ERC1: variants seen among roughly 807,000 people sequenced by gnomAD.
ERC1 encodes ELKS/RAB6-interacting/CAST family member 1, also known as RAB6 interacting protein 2.
ERC1 carries 56 observed loss-of-function variants against 132.0 expected under a neutral mutation model. The observed-to-expected ratio is 0.42, with a 90% CI of 0.34 to 0.53. The LOEUF (loss-of-function observed/expected upper bound fraction) is 0.53. Ranked by LOEUF, ERC1 falls within the 20% of genes least tolerant of loss-of-function variation. The probability of loss-of-function intolerance (pLI) is 0.03; values close to 1 mark genes in which losing one functional copy is unlikely to be tolerated. For synonymous variants in ERC1, 478 were observed against 476.1 expected (o/e 1.00, Z -0.05); for missense variants, 1,202 against 1,349.9 (o/e 0.89, Z 1.72).
At chr12:1,219,635 C>CTTTTTTTTTTTTTTT (rs775838825) in intron 12 of ERC1, among the ~76,000 whole-genome samples, 2 of 140,740 alleles carry the variant, frequency 1.4e-5, no homozygotes, top group African/African-American at 2.7e-5. Flanking sequence ...ACTGAACTCT[C>CTTTTTTTTTTTTTTT]TTTTTTTTTT....
chr12:1,161,467 A>G (rs1951881343), intron 8 of ERC1, among the ~76,000 whole-genome samples: 1 of 152,200 alleles, frequency 6.6e-6, no homozygotes, highest in South Asian at 2.1e-4. Context: ...CTGCATATGA[A>G]TGCCGTTTCT....
At chr12:1,039,615 C>CT (rs1267163485) in intron 2 of ERC1, among the ~76,000 whole-genome samples, 1 of 151,950 alleles carries the variant, frequency 6.6e-6, no homozygotes, top group East Asian at 1.9e-4. Context: ...TTGGGGAACT[C>CT]TTTTCCCTAC....
At chr12:1,416,351 G>A (rs2092117789) in intron 17 of ERC1, among the ~76,000 whole-genome samples, 2 of 152,190 alleles carry the variant, frequency 1.3e-5, no homozygotes, top group Admixed American at 1.3e-4. Flanking sequence ...AACAGGAAAA[G>A]AAAAGTTTTC....
chr12:1,115,267 CAT>C (rs1401727096), intron 6 of ERC1, among the ~76,000 whole-genome samples: 8 of 152,096 alleles, frequency 5.3e-5, no homozygotes, highest in Non-Finnish European at 1.0e-4. Context: ...AATCAATACA[CAT>C]AACATCAAAT....
chr12:1,094,066 T>G (rs1943685118), intron 3 of ERC1, among the ~76,000 whole-genome samples: 1 of 148,230 alleles, frequency 6.7e-6, no homozygotes, highest in Non-Finnish European at 1.5e-5. Context: ...TCGCCCAGGC[T>G]GGGGTGCAGT....
chr12:1,228,798 A>G lies in ERC1; in HGVS notation c.2352-7971A>G, dbSNP rs150384338. On this transcript the variant is annotated intron_variant, in intron 12 of 18. Coordinates refer to ENST00000360905, the MANE Select transcript of ERC1 (RefSeq NM_178040.4). ...GATGATTGTGTGATTTTTATCGTTC[A>G]TTCTGTTAGTGTGGTGTATGACGTT... 6.3e-3 allele frequency among the ~76,000 whole-genome samples: 963 copies of G among 152,190 alleles called. 16 individuals carry two copies. The highest frequency in any genetic ancestry group is 0.022 in the African/African-American group (906 of 41,512).
intron 11 of ERC1, among the ~76,000 whole-genome samples, chr12:1,183,690 A>G (rs1209031862): frequency 1.3e-5 from 2 of 152,138 alleles, no homozygotes; most frequent in Non-Finnish European, 2.9e-5. Context: ...GAGTGTAAAA[A>G]TCTCTGTTAC....
At position 1,069,564 on chromosome 12, in the gene ERC1, C is replaced by T. The variant is rs141507609; in HGVS notation, c.670-13600C>T. On this transcript the variant is annotated intron_variant, in intron 2 of 18. Transcript: ENST00000360905. ...CTGTTCCTCAGTAAGTGAATGGATA[C>T]ATTGATATTATTCGTATAGTGGAAT... is the stretch of plus-strand genomic sequence containing the variant. Among the ~76,000 whole-genome samples the T allele has an allele frequency of 4.6e-5, 7 of 152,206 alleles. No individual in the cohort carries two copies. The East Asian group carries it at 9.6e-4, about 21-fold the overall frequency.
Position 1,401,540 on chromosome 12 carries a change from G to A in ERC1, c.2926-6609G>A, listed in dbSNP as rs1419721696. Among the ~76,000 whole-genome samples, 4 of 152,218 alleles carry A rather than the reference G, an allele frequency of 2.6e-5. No individual in the cohort carries two copies. The East Asian group carries it at 7.7e-4, about 29-fold the overall frequency. ...CTCTGAAGCTAGACTGTTTGTATTAGAGCTCTAGCCCTGTGACTTATTCAT... is the reference window on the plus strand; with the variant it reads ...CTCTGAAGCTAGACTGTTTGTATTAAAGCTCTAGCCCTGTGACTTATTCAT... On this transcript the variant is annotated intron_variant, in intron 16 of 18. Transcript: ENST00000360905.
chr12:1,394,786 G>T (rs955537970), intron 16 of ERC1, among the ~76,000 whole-genome samples: 1 of 152,216 alleles, frequency 6.6e-6, no homozygotes, highest in African/African-American at 2.4e-5. Context: ...CTGAGGGACT[G>T]AGTCAATTGA....
At chr12:1,362,096 G>A (rs1365164386) in intron 15 of ERC1, among the ~76,000 whole-genome samples, 3 of 152,174 alleles carry the variant, frequency 2.0e-5, no homozygotes, top group Non-Finnish European at 4.4e-5. Flanking sequence ...TTGTGTGCAT[G>A]TGAAATTAGA....
At chr12:1,057,815 C>G (rs1973279259) in intron 2 of ERC1, among the ~76,000 whole-genome samples, 1 of 151,824 alleles carries the variant, frequency 6.6e-6, no homozygotes, top group South Asian at 2.1e-4. Context: ...AGGATGCTCT[C>G]GATATTCTGA....
intron 15 of ERC1, among the ~76,000 whole-genome samples, chr12:1,293,795 C>G (rs2079688058): frequency 6.6e-6 from 1 of 152,074 alleles, no homozygotes; most frequent in Non-Finnish European, 1.5e-5. Flanking sequence ...TTCTGAGTTA[C>G]ATAAGAGCAT....
chr12:1,418,583 T>C (rs1164069046), intron 17 of ERC1, among the ~76,000 whole-genome samples: 2 of 100,996 alleles, frequency 2.0e-5, no homozygotes, highest in African/African-American at 6.9e-5. Context: ...CTTTCTTTCT[T>C]TCTTTCTCTT....
In ERC1 at chr12:1,009,268, G is replaced by A. The variant is rs535357727; in HGVS notation, c.-157+17946G>A. Among the ~76,000 whole-genome samples the A allele has an allele frequency of 1.2e-4, 18 of 151,452 alleles. No individual in the cohort carries two copies. In the East Asian group the frequency reaches 2.9e-3, roughly 24 times the overall value. On this transcript the variant is annotated intron_variant, in intron 1 of 18. Coordinates refer to ENST00000360905, the MANE Select transcript of ERC1 (RefSeq NM_178040.4). ...CGGCTCACTGCAAGCTCCGCCTCCC[G>A]GGTTCACGCCATTCTCCTGCCTCAG...
intron 12 of ERC1, among the ~76,000 whole-genome samples, chr12:1,203,518 T>G (rs1957100446): frequency 6.6e-6 from 1 of 152,238 alleles, no homozygotes. Context: ...TTGTAAGTAC[T>G]GAATTATACT....
chr12:1,039,225 T>C (rs901899741), intron 2 of ERC1, among the ~76,000 whole-genome samples: 1 of 151,538 alleles, frequency 6.6e-6, no homozygotes, highest in Non-Finnish European at 1.5e-5. Context: ...TAGTCCCAGC[T>C]ACTCGGGAGG....
At chr12:1,163,663 A>G (rs574759620) in intron 8 of ERC1, among the ~76,000 whole-genome samples, 39 of 152,242 alleles carry the variant, frequency 2.6e-4, no homozygotes, top group African/African-American at 8.7e-4. Context: ...TCACTTGCAT[A>G]TATTCTCTTT....
At chr12:1,395,169 G>A (rs187156003) in intron 16 of ERC1, among the ~76,000 whole-genome samples, 1 of 152,316 alleles carries the variant, frequency 6.6e-6, no homozygotes, top group East Asian at 1.9e-4. Context: ...CAGGAGCAAA[G>A]GCTCAACCAC....
Sources: gnomAD v4.1 joint callset for allele counts (sites outside exome capture counted in the v4.1 genomes callset) on GRCh38, gnomAD v4.1.1 for gene constraint, MANE v1.5 for transcripts, NCBI Gene and HGNC (gene_info 2026-07-23, HGNC 2026-07-21) for gene names.